The following ADA variants were observed in gnomAD, a reference collection of about 807,000 sequenced individuals.
The protein encoded by ADA is adenosine aminohydrolase.
A neutral mutation model predicts 49.0 loss-of-function variants in ADA; 45 were observed. That is an observed-to-expected ratio of 0.92 (90% CI 0.72 to 1.18). ADA has a LOEUF of 1.18. Ranked by LOEUF, ADA falls within the 50% of genes most tolerant of loss-of-function variation. The pLI, the probability that ADA is intolerant of heterozygous loss-of-function variation, is 0.00. For missense variants in ADA, 445 were observed against 472.5 expected (o/e 0.94, Z 0.54); for synonymous variants, 173 against 184.2 (o/e 0.94, Z 0.49).
intron 2 of ADA, among the ~76,000 whole-genome samples, chr20:44,634,266 G>A (rs1415546829): frequency 6.6e-6 from 1 of 152,242 alleles, no homozygotes; most frequent in East Asian, 1.9e-4. Context: ...CAAAGGCCAG[G>A]CAGAGATAAG....
chr20:44,644,127 T>C (rs919534520), intron 1 of ADA, among the ~76,000 whole-genome samples: 1 of 139,180 alleles, frequency 7.2e-6, no homozygotes, highest in Non-Finnish European at 1.6e-5. Flanking sequence ...CTGGTGAGCC[T>C]TGGGGACAAC....
intron 1 of ADA, among the ~76,000 whole-genome samples, chr20:44,640,811 A>G (rs574910455): frequency 2.0e-5 from 3 of 151,718 alleles, no homozygotes; most frequent in African/African-American, 7.3e-5. Flanking sequence ...TTTAAGAGAA[A>G]CACACACAAG....
intron 1 of ADA, among the ~76,000 whole-genome samples, chr20:44,638,204 C>G (rs2065498056): frequency 6.6e-6 from 1 of 152,222 alleles, no homozygotes; most frequent in African/African-American, 2.4e-5. Flanking sequence ...GTCCTTCCTT[C>G]TAGGCTTCAT....
At position 44,620,334 on chromosome 20, in the gene ADA, T is replaced by C. The variant is rs1327379655; in HGVS notation, c.1043A>G (p.Tyr348Cys). The C allele has an allele frequency of 1.9e-6, 3 of 1,614,192 alleles. No homozygotes were observed. In the Admixed American group the frequency reaches 5.0e-5, roughly 27 times the overall value. Residue 348 changes from tyrosine (Y) to cysteine (C), a missense_variant, in exon 11 of 12, where the codon TAT becomes TGT. Tyr to Cys is a radical substitution (Grantham distance 194). Coordinates refer to ENST00000372874, the MANE Select transcript of ADA (RefSeq NM_000022.4). ...DEKRELLDLL[Y>C]KAYGMPPSAS... ...TGAAGGTGGCATCCCATAGGCTTTA[T>C]AGAGCAGGTCGAGAAGCTCCCTCTT...
chr20:44,642,944 G>T (rs2065551476), intron 1 of ADA, among the ~76,000 whole-genome samples: 2 of 152,150 alleles, frequency 1.3e-5, no homozygotes, highest in Admixed American at 1.3e-4. Context: ...ACCATGACCA[G>T]TAGCACTCAT....
At chr20:44,633,350 G>T (rs768021459) in intron 2 of ADA, among the ~76,000 whole-genome samples, 2 of 152,194 alleles carry the variant, frequency 1.3e-5, no homozygotes, top group Non-Finnish European at 2.9e-5. Flanking sequence ...TGACTTAAAG[G>T]CTGTGTGACC....
Position 44,628,905 on chromosome 20 carries a change from A to G in ADA, c.218+142T>C, listed in dbSNP as rs1600927344. On this transcript the variant is annotated intron_variant, in intron 3 of 11. Transcript: ENST00000372874. ...ACTGAGGCCTAAAGGCACTGGAGAGACTCACTAAGTGTACACAATGGTGAG... is the reference window on the plus strand; with the variant it reads ...ACTGAGGCCTAAAGGCACTGGAGAGGCTCACTAAGTGTACACAATGGTGAG... The G allele has an allele frequency of 2.3e-6, 3 of 1,312,006 alleles. No homozygotes were observed. The East Asian group carries it at 7.0e-5, about 30-fold the overall frequency. 81.3% of individuals were successfully genotyped at this position (1,312,006 alleles called of 1,614,324 possible).
chr20:44,630,955 G>A (rs1432964531), intron 2 of ADA, among the ~76,000 whole-genome samples: 1 of 152,138 alleles, frequency 6.6e-6, no homozygotes, highest in Admixed American at 6.5e-5. Context: ...CAAGGCTACT[G>A]CGGGCCAAGA....
At chr20:44,634,912 G>C (rs979514267) in intron 2 of ADA, among the ~76,000 whole-genome samples, 1 of 152,242 alleles carries the variant, frequency 6.6e-6, no homozygotes, top group Non-Finnish European at 1.5e-5. Context: ...TGACAGAGAG[G>C]CTGAGTTCTT....
chr20:44,621,917 C>G (rs547940526), intron 9 of ADA, among the ~76,000 whole-genome samples: 2 of 152,208 alleles, frequency 1.3e-5, no homozygotes, highest in South Asian at 4.1e-4. Flanking sequence ...GTCCCTAAGG[C>G]AAGCCCCAAG....
intron 6 of ADA, 79 bp from the exon 7 acceptor site, chr20:44,623,157 T>A: frequency 6.2e-7 from 1 of 1,600,568 alleles, no homozygotes; most frequent in East Asian, 2.2e-5. Context: ...GCTGTGGAGA[T>A]TGAACCATCC....
At chr20:44,621,587 C>T (rs185649752) in intron 9 of ADA, among the ~76,000 whole-genome samples, 253 of 152,318 alleles carry the variant, frequency 1.7e-3, no homozygotes, top group Non-Finnish European at 3.0e-3. Flanking sequence ...TGACCACCAT[C>T]TTGTTGTATC....
chr20:44,628,989 T>C, intron 3 of ADA, 58 bp downstream of exon 3: 1 of 1,613,018 alleles, frequency 6.2e-7, no homozygotes, highest in Non-Finnish European at 8.5e-7. Context: ...GGGACAGGCC[T>C]GGTCCTAGTC....
chr20:44,632,181 G>A (rs1167832324), intron 2 of ADA, among the ~76,000 whole-genome samples: 1 of 152,100 alleles, frequency 6.6e-6, no homozygotes, highest in Non-Finnish European at 1.5e-5. Context: ...CTTGGGGTGG[G>A]GGCAGTTCTG....
At chr20:44,620,921 C>T in intron 10 of ADA, 97 bp downstream of exon 10, 1 of 1,532,582 alleles carries the variant, frequency 6.5e-7, no homozygotes, top group Non-Finnish European at 9.0e-7. Flanking sequence ...GAGGCAGACT[C>T]ACTCCCTCTC....
In ADA at chr20:44,623,057, G is replaced by A. The variant is rs753338833; in HGVS notation, c.628C>T (p.His210Tyr). ...AYQEAVKSGI[H>Y]RTVHAGEVGS... ...ACCTCCCCGGCGTGGACAGTACGGT[G>A]AATGCCGCTCTTCACAGCCTCCTGG... Residue 210 changes from histidine to tyrosine, a missense_variant, in exon 7 of 12, where the codon CAC (histidine) becomes TAC (tyrosine). Physicochemically the swap from His to Tyr is moderately conservative, Grantham distance 83. Transcript: ENST00000372874. The A allele has an allele frequency of 2.0e-5, 33 of 1,613,954 alleles. No individual in the cohort carries two copies. The highest frequency in any genetic ancestry group is 2.7e-5 in the Non-Finnish European group (32 of 1,179,964).
At chr20:44,631,186 C>T (rs1296430755) in intron 2 of ADA, among the ~76,000 whole-genome samples, 2 of 152,208 alleles carry the variant, frequency 1.3e-5, no homozygotes, top group African/African-American at 4.8e-5. Flanking sequence ...GTGCTCCCTT[C>T]CCCATCTGTT....
chr20:44,637,804 G>C (rs1464914811), intron 1 of ADA, among the ~76,000 whole-genome samples: 1 of 152,220 alleles, frequency 6.6e-6, no homozygotes, highest in East Asian at 1.9e-4. Flanking sequence ...GCAGGGGACA[G>C]AGCGGTCTTC....
intron 6 of ADA, 115 bp from the exon 7 acceptor site, chr20:44,623,193 A>G (rs2065350001): frequency 2.0e-6 from 3 of 1,489,026 alleles, no homozygotes; most frequent in Non-Finnish European, 2.7e-6. Flanking sequence ...CTTCAACAGC[A>G]TGGGGAAACC....
Sources: gnomAD v4.1 joint callset for allele counts (sites outside exome capture counted in the v4.1 genomes callset) on GRCh38, gnomAD v4.1.1 for gene constraint, MANE v1.5 for transcripts, NCBI Gene and HGNC (gene_info 2026-07-23, HGNC 2026-07-21) for gene names.